RBM19: variants seen among roughly 807,000 people sequenced by gnomAD.
RBM19 encodes the protein probable RNA-binding protein 19.
In RBM19, 94 loss-of-function variants were observed where a neutral mutation model predicts 116.8. The observed-to-expected ratio is 0.80, with a 90% CI of 0.68 to 0.95. The LOEUF is 0.95. Among genes scored for constraint, RBM19 ranks in the 40% least tolerant of loss-of-function variants. The probability of loss-of-function intolerance (pLI) is 0.00; values close to 1 mark genes in which losing one functional copy is unlikely to be tolerated. For synonymous variants in RBM19, 475 were observed against 494.1 expected, an observed-to-expected ratio of 0.96 and a Z score of 0.51; for missense variants, 1,161 against 1,220.7, an observed-to-expected ratio of 0.95 and a Z score of 0.73.
intron 23 of RBM19, among the ~76,000 whole-genome samples, chr12:113,842,868 G>A (rs2135714776): frequency 6.6e-6 from 1 of 152,326 alleles, no homozygotes; most frequent in African/African-American, 2.4e-5. Context: ...ATGTGCAAAG[G>A]CACAGAATCC....
At chr12:113,889,104 A>G (rs906332053) in intron 21 of RBM19, among the ~76,000 whole-genome samples, 4 of 151,738 alleles carry the variant, frequency 2.6e-5, no homozygotes, top group African/African-American at 9.7e-5. Context: ...TCCTCCACAC[A>G]TTTCCCTCTG....
In RBM19 at chr12:113,844,692, G is replaced by A. The variant is rs150329912; in HGVS notation, c.2761C>T (p.Arg921Trp). Residue 921 changes from arginine (R) to tryptophan (W), a missense_variant, in exon 23 of 24, where the codon CGG becomes TGG. Arg to Trp is a moderately radical substitution (Grantham distance 101, BLOSUM62 -3). Transcript: ENST00000261741. ...DSEVTLQALR[R>W]KTAAHFHEPP... ...CCGTGAAAGTGAGCGGCCGTCTTCC[G>A]CCGCAGGGCCTGCAGGGTCACCTCG... The A allele has an allele frequency of 4.9e-4, 789 of 1,611,754 alleles. 4 individuals are homozygous for A. Among genetic ancestry groups the A allele is most frequent in the South Asian group, 4.5e-3 (411 of 90,686 alleles).
intron 22 of RBM19, 68 bp downstream of exon 22, chr12:113,858,723 T>C: frequency 1.4e-6 from 2 of 1,468,128 alleles, no homozygotes; most frequent in South Asian, 2.3e-5. Flanking sequence ...GAGGCCTGGC[T>C]GTCTCTCCTA....
rs1395335485 is a variant in RBM19, at chr12:113,952,725, G to A, written c.922-135C>T. On this transcript the variant is annotated intron_variant, in intron 7 of 23. Coordinates refer to ENST00000261741, the MANE Select transcript of RBM19 (RefSeq NM_016196.4). The stretch of plus-strand genomic sequence containing the variant: ...CTTTAGTTTTTCTCTTTCCTTATAC[G>A]TATCGCTTCTCCAATTACCTTGGAG... 2.5e-5 allele frequency: 16 copies of A among 635,794 alleles called. No homozygotes were observed. In the Admixed American group the frequency reaches 3.1e-4, roughly 12 times the overall value. The allele number at this position is 635,794 out of a possible 1,614,324, so 39.4% of individuals were successfully genotyped here.
At position 113,958,063 on chromosome 12, in the gene RBM19, G is replaced by C; in HGVS notation, c.572-13C>G. 1 of 1,601,086 alleles carries C rather than the reference G, an allele frequency of 6.2e-7. No individual in the cohort carries two copies. The highest frequency in any genetic ancestry group is 1.1e-5 in the South Asian group (1 of 88,946). ...AGGCTTGCCTCTTCTGGAAAAACAG[G>C]GAAGCTGGGATCAGCGACAGCTATG... On this transcript the variant is annotated splice_polypyrimidine_tract_variant and intron_variant, in intron 5 of 23. Transcript: ENST00000261741.
chr12:113,955,342 G>C lies in RBM19; in HGVS notation c.841-131C>G. ...AGGGGGAGCTGGGGAATGCTGGGAA[G>C]AATCAATGTCCACCGTGTATGGAGT... On this transcript the variant is annotated intron_variant, in intron 6 of 23. Transcript: ENST00000261741. 7.1e-6 allele frequency: 6 copies of C among 850,676 alleles called. No homozygotes were observed. The South Asian group carries it at 7.4e-5, about 11-fold the overall frequency. The allele number at this position is 850,676 out of a possible 1,614,324, so 52.7% of individuals were successfully genotyped here.
At chr12:113,833,922 T>G (rs986909094) in intron 23 of RBM19, among the ~76,000 whole-genome samples, 2 of 152,030 alleles carry the variant, frequency 1.3e-5, no homozygotes, top group Non-Finnish European at 2.9e-5. Flanking sequence ...TTTTAAAGTT[T>G]TTTTTTAGAG....
At chr12:113,923,420 C>T (rs1868769051) in intron 18 of RBM19, among the ~76,000 whole-genome samples, 2 of 152,198 alleles carry the variant, frequency 1.3e-5, no homozygotes, top group South Asian at 4.1e-4. Context: ...ATTTAAGCCA[C>T]CCAGTCTGTG....
At chr12:113,928,609 TG>T (rs1869328719) in intron 16 of RBM19, among the ~76,000 whole-genome samples, 1 of 122,026 alleles carries the variant, frequency 8.2e-6, no homozygotes, top group Non-Finnish European at 1.7e-5. Context: ...GATGTGAAGT[TG>T]TGAGTTAGCA....
At position 113,956,630 on chromosome 12, in the gene RBM19, C is replaced by T. The variant is rs1020941053; in HGVS notation, c.840+1152G>A. Among the ~76,000 whole-genome samples the T allele has an allele frequency of 1.0e-4, 15 of 150,508 alleles. No homozygotes were observed. In the South Asian group the frequency reaches 3.2e-3, roughly 32 times the overall value. ...GGGCTAGGCAGGGAGAGAAGTGATG[C>T]TTCACAGAGAAAGGAGGGAACAGGG... On this transcript the variant is annotated intron_variant, in intron 6 of 23. Transcript: ENST00000261741.
chr12:113,916,390 G>A (rs1882775349), intron 20 of RBM19, among the ~76,000 whole-genome samples: 1 of 152,222 alleles, frequency 6.6e-6, no homozygotes, highest in Non-Finnish European at 1.5e-5. Flanking sequence ...CTGGGTGACA[G>A]GGTGAGACTC....
At chr12:113,926,256 T>C (rs1593596769) in intron 17 of RBM19, among the ~76,000 whole-genome samples, 1 of 152,166 alleles carries the variant, frequency 6.6e-6, no homozygotes, top group Non-Finnish European at 1.5e-5. Context: ...CATGATCGAA[T>C]TTTAGGGTTC....
At chr12:113,847,765 T>C (rs1338966636) in intron 22 of RBM19, among the ~76,000 whole-genome samples, 1 of 152,168 alleles carries the variant, frequency 6.6e-6, no homozygotes, top group Non-Finnish European at 1.5e-5. Flanking sequence ...AATGTTTCTT[T>C]CTCTCCCTTG....
At chr12:113,961,972 C>T (rs939724763) in intron 2 of RBM19, among the ~76,000 whole-genome samples, 3 of 152,234 alleles carry the variant, frequency 2.0e-5, no homozygotes, top group Non-Finnish European at 1.5e-5. Context: ...ATGGTCGTCA[C>T]CTGAGGGCTT....
At position 113,959,317 on chromosome 12, in the gene RBM19, C is replaced by G; in HGVS notation, c.466G>C (p.Ala156Pro). 1 of 1,614,064 alleles carries G rather than the reference C, an allele frequency of 6.2e-7. No individual in the cohort carries two copies. The highest frequency in any genetic ancestry group is 8.5e-7 in the Non-Finnish European group (1 of 1,179,928). The change falls in exon 5 of 24, where the codon GCT (alanine) becomes CCT (proline). Residue 156 changes from alanine to proline, a missense_variant. Transcript: ENST00000261741. ...TTGCTCTTCCCTTTCGAGGGCTCAG[C>G]ATCCAGGCCATCATTCGCCCAAGTG... ...AATWANDGLD[A>P]EPSKGKSKPA...
At chr12:113,889,374 G>A (rs1880777552) in intron 21 of RBM19, among the ~76,000 whole-genome samples, 1 of 152,188 alleles carries the variant, frequency 6.6e-6, no homozygotes, top group Non-Finnish European at 1.5e-5. Flanking sequence ...AGAACCCACA[G>A]GAATGTGGGA....
chr12:113,906,722 C>T (rs1023952964), intron 21 of RBM19, among the ~76,000 whole-genome samples: 1 of 151,940 alleles, frequency 6.6e-6, no homozygotes, highest in African/African-American at 2.4e-5. Flanking sequence ...ACGCAAATGT[C>T]CCCTGCTTGG....
chr12:113,837,032 C>CGT (rs1876005050), intron 23 of RBM19, among the ~76,000 whole-genome samples: 4 of 106,892 alleles, frequency 3.7e-5, no homozygotes, highest in African/African-American at 1.5e-4. Context: ...CACACACACA[C>CGT]GTCCCAAGCA....
At chr12:113,935,222 C>A (rs370882899) in intron 16 of RBM19, among the ~76,000 whole-genome samples, 4 of 151,906 alleles carry the variant, frequency 2.6e-5, no homozygotes, top group Non-Finnish European at 5.9e-5. Context: ...CCCAAGGCTG[C>A]GGGAAGAGGC....
Sources: gnomAD v4.1 joint callset for allele counts (sites outside exome capture counted in the v4.1 genomes callset) on GRCh38, gnomAD v4.1.1 for gene constraint, MANE v1.5 for transcripts, NCBI Gene and HGNC (gene_info 2026-07-23, HGNC 2026-07-21) for gene names.